PLXNA4: variants seen among roughly 807,000 people sequenced by gnomAD.
The protein encoded by PLXNA4 is plexin A4.
PLXNA4 carries 44 observed loss-of-function variants against 191.8 expected under a neutral mutation model. The ratio of observed to expected loss-of-function variants is 0.23; its 90% confidence interval spans 0.18 to 0.29. The LOEUF (loss-of-function observed/expected upper bound fraction) is 0.29, where lower values mean the gene tolerates loss of function less well. PLXNA4 is among the 10% of genes least tolerant of loss of function. PLXNA4 has a pLI of 1.00. For missense variants in PLXNA4, 1,800 were observed against 2,488.8 expected (o/e 0.72, Z 5.89); for synonymous variants, 1,082 against 1,009.5 (o/e 1.07, Z -1.36).
intron 3 of PLXNA4, among the ~76,000 whole-genome samples, chr7:132,463,187 A>C (rs146772151): frequency 2.3e-4 from 35 of 152,290 alleles, no homozygotes; most frequent in African/African-American, 7.5e-4. Flanking sequence ...ATTATAAAAA[A>C]TAAAAATTGT....
chr7:132,486,418 A>C (rs1797558892), intron 3 of PLXNA4, among the ~76,000 whole-genome samples: 1 of 152,208 alleles, frequency 6.6e-6, no homozygotes, highest in Admixed American at 6.5e-5. Context: ...GCTTTTTATT[A>C]TTTCAAACAA....
chr7:132,345,937 C>T (rs1803229069), intron 3 of PLXNA4, among the ~76,000 whole-genome samples: 1 of 152,200 alleles, frequency 6.6e-6, no homozygotes, highest in Admixed American at 6.5e-5. Flanking sequence ...ATCCTGTTCT[C>T]CTCTTTCCCC....
chr7:132,191,999 A>G (rs1797106584), intron 14 of PLXNA4, among the ~76,000 whole-genome samples: 1 of 152,198 alleles, frequency 6.6e-6, no homozygotes, highest in Admixed American at 6.5e-5. Flanking sequence ...TGACTCGTCC[A>G]TGAACCCCAT....
chr7:132,533,262 G>T (rs866804723), intron 1 of PLXNA4, among the ~76,000 whole-genome samples: 1 of 152,166 alleles, frequency 6.6e-6, no homozygotes, highest in Non-Finnish European at 1.5e-5. Context: ...AGGAACAAAT[G>T]ATCAGGACTG....
At chr7:132,166,900 TTGCAGCTG>T (rs1796140093) in intron 22 of PLXNA4, among the ~76,000 whole-genome samples, 1 of 152,180 alleles carries the variant, frequency 6.6e-6, no homozygotes, top group Non-Finnish European at 1.5e-5. Context: ...CAGCAGACTT[TTGCAGCTG>T]TGCAGGCAAA....
chr7:132,344,676 G>A (rs1803172653), intron 3 of PLXNA4, among the ~76,000 whole-genome samples: 1 of 152,168 alleles, frequency 6.6e-6, no homozygotes, highest in Non-Finnish European at 1.5e-5. Context: ...AGGGTTTGAT[G>A]CAGATTTCCA....
At chr7:132,492,536 C>A (rs1004621954) in intron 2 of PLXNA4, among the ~76,000 whole-genome samples, 2 of 152,160 alleles carry the variant, frequency 1.3e-5, no homozygotes, top group Non-Finnish European at 2.9e-5. Context: ...CTGAATGGGG[C>A]CCCAAGTGAT....
intron 8 of PLXNA4, among the ~76,000 whole-genome samples, 157 bp downstream of exon 8, chr7:132,226,004 A>G (rs577154457): frequency 6.7e-6 from 1 of 149,506 alleles, no homozygotes; most frequent in African/African-American, 2.5e-5. Flanking sequence ...GGGCTTCTAA[A>G]TGGTGACTCC....
At chr7:132,434,719 T>G (rs1454958411) in intron 3 of PLXNA4, among the ~76,000 whole-genome samples, 2 of 152,178 alleles carry the variant, frequency 1.3e-5, no homozygotes, top group Non-Finnish European at 2.9e-5. Context: ...ACACAGACCA[T>G]GAATGATGTT....
chr7:132,160,926 GA>G (rs201397549), intron 24 of PLXNA4, among the ~76,000 whole-genome samples: 25 of 92,654 alleles, frequency 2.7e-4, no homozygotes, highest in East Asian at 5.3e-4. Flanking sequence ...AGAAGGGGAA[GA>G]AAAAAAAACC....
chr7:132,458,004 C>T (rs942736966), intron 3 of PLXNA4, among the ~76,000 whole-genome samples: 4 of 152,122 alleles, frequency 2.6e-5, no homozygotes, highest in South Asian at 4.1e-4. Context: ...ACATTTGTGT[C>T]GTTTGAAGCC....
rs61593924 is a variant in PLXNA4, at chr7:132,437,071, C to T, written c.1371+52221G>A. 7.9e-3 allele frequency among the ~76,000 whole-genome samples: 1,206 copies of T among 152,332 alleles called. 21 individuals are homozygous for T. The highest frequency in any genetic ancestry group is 0.028 in the African/African-American group (1,148 of 41,564). On this transcript the variant is annotated intron_variant, in intron 3 of 31. Transcript: ENST00000321063. ...CCATGTTGACCTTGGCCCCAAAACA[C>T]GGATGGGAAGGAGCATGCCCAGGGA...
At chr7:132,412,454 A>G (rs1409202475) in intron 3 of PLXNA4, among the ~76,000 whole-genome samples, 1 of 152,234 alleles carries the variant, frequency 6.6e-6, no homozygotes, top group Non-Finnish European at 1.5e-5. Flanking sequence ...AGACTTGGGC[A>G]AAGACGAAGG....
At chr7:132,306,207 G>T (rs1801516397) in intron 3 of PLXNA4, among the ~76,000 whole-genome samples, 1 of 152,286 alleles carries the variant, frequency 6.6e-6, no homozygotes, top group East Asian at 1.9e-4. Context: ...GCCTTGAAGT[G>T]CCCAGAATTG....
intron 2 of PLXNA4, among the ~76,000 whole-genome samples, chr7:132,598,895 T>C (rs1362386227): frequency 2.6e-5 from 4 of 152,252 alleles, no homozygotes; most frequent in Non-Finnish European, 4.4e-5. Context: ...TTTAACCTTA[T>C]AGTTTAGTCC....
At chr7:132,275,165 T>A (rs985239127) in intron 4 of PLXNA4, among the ~76,000 whole-genome samples, 2 of 152,170 alleles carry the variant, frequency 1.3e-5, no homozygotes, top group Non-Finnish European at 2.9e-5. Flanking sequence ...ATTAAAGATT[T>A]TTCCTCTTTT....
chr7:132,559,192 C>A (rs1246014492), intron 1 of PLXNA4, among the ~76,000 whole-genome samples: 1 of 152,122 alleles, frequency 6.6e-6, no homozygotes, highest in East Asian at 1.9e-4. Context: ...GTATTACATG[C>A]CGAGAACAGT....
intron 5 of PLXNA4, 43 bp downstream of exon 5, chr7:132,241,023 G>T (rs755835940): frequency 7.0e-7 from 1 of 1,429,266 alleles, no homozygotes; most frequent in South Asian, 1.3e-5. Context: ...GGAATTACCA[G>T]GAGGAAGTGG....
At chr7:132,155,259 T>C (rs887308293) in intron 25 of PLXNA4, among the ~76,000 whole-genome samples, 9 of 152,090 alleles carry the variant, frequency 5.9e-5, no homozygotes, top group Non-Finnish European at 1.0e-4. Flanking sequence ...GGGAGTTCTC[T>C]CCACCTCCCT....
Sources: gnomAD v4.1 joint callset for allele counts (sites outside exome capture counted in the v4.1 genomes callset) on GRCh38, gnomAD v4.1.1 for gene constraint, MANE v1.5 for transcripts, NCBI Gene and HGNC (gene_info 2026-07-23, HGNC 2026-07-21) for gene names.